The following MEIS1 variants were observed in gnomAD, a reference collection of about 807,000 sequenced individuals.
MEIS1 encodes homeobox protein Meis1.
A neutral mutation model predicts 50.8 loss-of-function variants in MEIS1; 5 were observed. The observed-to-expected ratio is 0.10, with a 90% CI of 0.05 to 0.21. The LOEUF is 0.21. MEIS1 is among the 10% of genes least tolerant of loss of function. MEIS1 has a pLI of 1.00. For missense variants in MEIS1, 318 were observed against 517.3 expected (o/e 0.61, Z 3.74); for synonymous variants, 176 against 179.3 (o/e 0.98, Z 0.15).
intron 6 of MEIS1, 114 bp from the exon 7 acceptor site, chr2:66,463,995 G>T (rs1672579289): frequency 1.4e-6 from 1 of 701,518 alleles, no homozygotes; most frequent in Non-Finnish European, 2.5e-6. Context: ...GGATGGGAAA[G>T]GTGGCATGGT....
intron 7 of MEIS1, among the ~76,000 whole-genome samples, chr2:66,490,402 A>G (rs920869362): frequency 2.0e-5 from 3 of 152,312 alleles, no homozygotes; most frequent in East Asian, 1.9e-4. Context: ...CTCCTTTGAC[A>G]TGGATACCTG....
At chr2:66,446,190 C>T (rs371260956) in intron 6 of MEIS1, among the ~76,000 whole-genome samples, 2 of 152,118 alleles carry the variant, frequency 1.3e-5, no homozygotes, top group East Asian at 3.9e-4. Context: ...GATGCGGGTT[C>T]GACCGGAAGC....
chr2:66,450,920 C>T (rs927996824), intron 6 of MEIS1, among the ~76,000 whole-genome samples: 7 of 151,882 alleles, frequency 4.6e-5, no homozygotes, highest in Admixed American at 3.9e-4. Flanking sequence ...TTTCTGATCA[C>T]TTTTTTTTCT....
At chr2:66,509,587 T>G (rs960252062) in intron 7 of MEIS1, among the ~76,000 whole-genome samples, 1 of 152,238 alleles carries the variant, frequency 6.6e-6, no homozygotes, top group Non-Finnish European at 1.5e-5. Flanking sequence ...ATCTGGCTCC[T>G]GCTTGAAAGG....
intron 12 of MEIS1, 171 bp downstream of exon 12, chr2:66,569,316 T>C: frequency 1.8e-6 from 1 of 558,058 alleles, no homozygotes; most frequent in South Asian, 2.1e-5. Context: ...CTTTTAAGCT[T>C]ATAAATACTG....
intron 7 of MEIS1, among the ~76,000 whole-genome samples, chr2:66,491,378 A>T (rs974442618): frequency 1.4e-4 from 22 of 152,336 alleles, no homozygotes; most frequent in Admixed American, 7.8e-4. Context: ...AGGAAATCCC[A>T]TTCTTTATTA....
At chr2:66,489,475 T>G (rs1673223117) in intron 7 of MEIS1, among the ~76,000 whole-genome samples, 1 of 152,238 alleles carries the variant, frequency 6.6e-6, no homozygotes, top group Non-Finnish European at 1.5e-5. Flanking sequence ...CTTTAGGATT[T>G]TATTGCATTA....
chr2:66,519,504 G>C (rs907366607), intron 8 of MEIS1, among the ~76,000 whole-genome samples: 20 of 152,112 alleles, frequency 1.3e-4, no homozygotes, highest in African/African-American at 4.6e-4. Flanking sequence ...CAAGAACTCA[G>C]ATAAGGCATC....
intron 7 of MEIS1, among the ~76,000 whole-genome samples, chr2:66,499,313 T>G (rs1414297426): frequency 6.6e-6 from 1 of 152,200 alleles, no homozygotes; most frequent in Non-Finnish European, 1.5e-5. Flanking sequence ...TTTCACAATC[T>G]TCTTCCACTT....
chr2:66,569,113 C>T lies in MEIS1; in HGVS notation c.*5C>T. Reference sequence around the variant, plus strand: ...GGGCAGTGGCACTACATGTAACCTTCATCTAGTTAACCAATCGCAAAGCAA... The same window carrying T: ...GGGCAGTGGCACTACATGTAACCTTTATCTAGTTAACCAATCGCAAAGCAA... On this transcript the variant is annotated 3_prime_UTR_variant, in exon 12 of 13. Coordinates refer to ENST00000272369, the MANE Select transcript of MEIS1 (RefSeq NM_002398.3). 6.2e-7 allele frequency: 1 copy of T among 1,613,480 alleles called. No homozygotes were observed. The highest frequency in any genetic ancestry group is 8.5e-7 in the Non-Finnish European group (1 of 1,179,698).
At chr2:66,496,132 G>A (rs1291055626) in intron 7 of MEIS1, 1 of 152,370 alleles carries the variant, frequency 6.6e-6, no homozygotes, top group Non-Finnish European at 1.5e-5. Flanking sequence ...TCCAGAAGAG[G>A]ACCAAGAGCA....
chr2:66,510,425 C>T (rs760978653), intron 7 of MEIS1, among the ~76,000 whole-genome samples: 9 of 152,064 alleles, frequency 5.9e-5, no homozygotes, highest in Non-Finnish European at 1.0e-4. Context: ...TTCACTGATA[C>T]AACAATGGCT....
intron 7 of MEIS1, among the ~76,000 whole-genome samples, chr2:66,491,541 G>T (rs1361808360): frequency 6.6e-6 from 1 of 152,134 alleles, no homozygotes; most frequent in Non-Finnish European, 1.5e-5. Flanking sequence ...GTTTTCTCAG[G>T]CCTTGGATAT....
intron 6 of MEIS1, among the ~76,000 whole-genome samples, chr2:66,446,147 G>A (rs1409248394): frequency 6.6e-6 from 1 of 152,180 alleles, no homozygotes; most frequent in African/African-American, 2.4e-5. Flanking sequence ...TAGGCGTCGA[G>A]GCGAGGGTTG....
intron 8 of MEIS1, among the ~76,000 whole-genome samples, chr2:66,535,236 T>G (rs1395951455): frequency 6.6e-6 from 1 of 152,148 alleles, no homozygotes; most frequent in Non-Finnish European, 1.5e-5. Flanking sequence ...TAAATTTTGT[T>G]TTCTCTTGTA....
intron 7 of MEIS1, among the ~76,000 whole-genome samples, chr2:66,498,988 T>A (rs1036980456): frequency 9.9e-5 from 15 of 152,216 alleles, no homozygotes; most frequent in Non-Finnish European, 5.9e-5. Flanking sequence ...CCCACCAAAG[T>A]AATCAAACTT....
intron 8 of MEIS1, among the ~76,000 whole-genome samples, chr2:66,540,166 G>A (rs922328368): frequency 6.6e-6 from 1 of 152,142 alleles, no homozygotes; most frequent in Admixed American, 6.5e-5. Flanking sequence ...TTCACCAAGA[G>A]TACATGAAAT....
At chr2:66,436,939 A>G in intron 1 of MEIS1, 1 of 985,098 alleles carries the variant, frequency 1.0e-6, no homozygotes, top group Non-Finnish European at 1.2e-6. Flanking sequence ...TTTGCTTTAA[A>G]CCTGGTGAGT....
intron 9 of MEIS1, among the ~76,000 whole-genome samples, chr2:66,553,352 T>G (rs562456337): frequency 6.6e-6 from 1 of 152,242 alleles, no homozygotes; most frequent in Admixed American, 6.5e-5. Flanking sequence ...GAATGGGTTG[T>G]TGTTCTTCAA....
Sources: gnomAD v4.1 joint callset for allele counts (sites outside exome capture counted in the v4.1 genomes callset) on GRCh38, gnomAD v4.1.1 for gene constraint, MANE v1.5 for transcripts, NCBI Gene and HGNC (gene_info 2026-07-23, HGNC 2026-07-21) for gene names.